Variants in SRGAP1 observed in about 807,000 individuals in gnomAD.
SRGAP1 encodes the protein SLIT-ROBO Rho GTPase activating protein 1, also known as SLIT-ROBO Rho GTPase-activating protein 1.
SRGAP1 carries 43 observed loss-of-function variants against 121.9 expected under a neutral mutation model. The ratio of observed to expected loss-of-function variants is 0.35; its 90% CI spans 0.28 to 0.46. SRGAP1 has a LOEUF of 0.46. Among genes scored for constraint, SRGAP1 ranks in the 20% least tolerant of loss-of-function variants. SRGAP1 has a pLI of 1.00. For missense variants in SRGAP1, 1,102 were observed against 1,350.9 expected (o/e 0.82, Z 2.89); for synonymous variants, 447 against 485.4 (o/e 0.92, Z 1.04).
At chr12:63,937,921 G>A (rs1039551433) in intron 1 of SRGAP1, among the ~76,000 whole-genome samples, 9 of 152,352 alleles carry the variant, frequency 5.9e-5, no homozygotes, top group Middle Eastern at 3.4e-3. Flanking sequence ...GAAGCGCCCC[G>A]TGGCACGGTT....
intron 1 of SRGAP1, among the ~76,000 whole-genome samples, chr12:63,970,039 C>G (rs757336513): frequency 6.6e-5 from 10 of 152,168 alleles, no homozygotes; most frequent in Admixed American, 1.3e-4. Flanking sequence ...TCCCTTTATC[C>G]TTTTCCTGTT....
intron 1 of SRGAP1, among the ~76,000 whole-genome samples, chr12:63,845,104 G>A (rs1452758990): frequency 6.6e-6 from 1 of 152,112 alleles, no homozygotes; most frequent in African/African-American, 2.4e-5. Context: ...GACTTCCCCC[G>A]CCAGCTGCCA....
At position 63,850,046 on chromosome 12, in the gene SRGAP1, C is replaced by G. The variant is rs147883313; in HGVS notation, c.67+5163C>G. ...ACCAAGTTGTTTTTTTCACCAGGAC[C>G]ATTTTAAGAGACCACAATACCCAGG... On this transcript the variant is annotated intron_variant, in intron 1 of 21. Transcript: ENST00000355086. Among the ~76,000 whole-genome samples the G allele has an allele frequency of 8.5e-3, 1,299 of 152,186 alleles. 7 individuals carry two copies. Among genetic ancestry groups the G allele is most frequent in the Non-Finnish European group, 0.014 (973 of 68,002 alleles).
rs10570691 is a variant in SRGAP1, at chr12:63,919,499, C to CATATATAT, written c.68-64432_68-64425dup. Among the ~76,000 whole-genome samples the CATATATAT allele has an allele frequency of 7.9e-3, 1,056 of 133,946 alleles. 32 individuals carry two copies. The highest frequency in any genetic ancestry group is 0.03 in the African/African-American group (987 of 32,382). The allele number at this position is 133,946 out of a possible 152,430, so 87.9% of individuals were successfully genotyped here. A position where few individuals can be genotyped will look rare whatever the true frequency, so the allele number is the denominator to read the frequency against. ...TTTTAATTGTTTTAACTTAACATTA[C>CATATATAT]ATATATATATATATATATATATACA... is the stretch of plus-strand genomic sequence containing the variant. On this transcript the variant is annotated intron_variant, in intron 1 of 21. Transcript: ENST00000355086.
At chr12:64,101,806 G>T (rs1180112060) in intron 15 of SRGAP1, among the ~76,000 whole-genome samples, 12 of 152,130 alleles carry the variant, frequency 7.9e-5, no homozygotes, top group African/African-American at 2.9e-4. Flanking sequence ...CTGCCTTAAG[G>T]CTGTGAGCCC....
chr12:64,013,487 T>TTA (rs2034310756), intron 3 of SRGAP1, among the ~76,000 whole-genome samples: 1 of 152,156 alleles, frequency 6.6e-6, no homozygotes, highest in South Asian at 2.1e-4. Context: ...TCTACGTTAT[T>TTA]TACCTATGGA....
At chr12:64,064,377 C>T (rs918667825) in intron 7 of SRGAP1, among the ~76,000 whole-genome samples, 1 of 152,230 alleles carries the variant, frequency 6.6e-6, no homozygotes, top group East Asian at 1.9e-4. Flanking sequence ...TTGAACTTAT[C>T]CATAATTGAG....
intron 8 of SRGAP1, among the ~76,000 whole-genome samples, chr12:64,068,763 A>C (rs2035587370): frequency 6.6e-6 from 1 of 151,938 alleles, no homozygotes; most frequent in South Asian, 2.1e-4. Flanking sequence ...TAATCCCAGC[A>C]CTTTGGGAGG....
chr12:63,943,560 C>T (rs1285663600), intron 1 of SRGAP1, among the ~76,000 whole-genome samples: 3 of 152,136 alleles, frequency 2.0e-5, no homozygotes, highest in Non-Finnish European at 2.9e-5. Context: ...GAAATTTGAA[C>T]CCAAGTAAGG....
In SRGAP1 at chr12:64,147,628, C is replaced by T. The variant is rs1435230904; in HGVS notation, c.*4956C>T. The T allele has an allele frequency of 2.5e-6, 1 of 398,694 alleles. No individual in the cohort carries two copies. The highest frequency in any genetic ancestry group is 2.1e-5 in the African/African-American group (1 of 48,742). 24.7% of individuals were successfully genotyped at this position (398,694 alleles called of 1,614,324 possible). ...CGCCCGTGCTCTGTACTGCCTCTCACCATTTCATTCCCTCCTCTCTGAGGT... is the reference window on the plus strand; with the variant it reads ...CGCCCGTGCTCTGTACTGCCTCTCATCATTTCATTCCCTCCTCTCTGAGGT... On this transcript the variant is annotated 3_prime_UTR_variant, in exon 22 of 22. Transcript: ENST00000355086.
At chr12:63,855,473 G>GTTT (rs781701925) in intron 1 of SRGAP1, among the ~76,000 whole-genome samples, 3,224 of 52,994 alleles carry the variant, frequency 0.061, 490 homozygotes, top group Non-Finnish European at 0.075. Flanking sequence ...GAAAAATGGT[G>GTTT]TTTTTTTTTT....
At chr12:63,954,378 C>T (rs1301301485) in intron 1 of SRGAP1, among the ~76,000 whole-genome samples, 1 of 152,082 alleles carries the variant, frequency 6.6e-6, no homozygotes, top group Non-Finnish European at 1.5e-5. Context: ...CCCCATCTTT[C>T]TCATTAAAAA....
intron 4 of SRGAP1, among the ~76,000 whole-genome samples, chr12:64,024,099 A>G (rs2034604627): frequency 1.3e-5 from 2 of 152,192 alleles, no homozygotes; most frequent in Admixed American, 1.3e-4. Flanking sequence ...GGGTTACAGA[A>G]TGGGCAAACC....
chr12:64,138,641 A>G (rs1019567275), intron 21 of SRGAP1, among the ~76,000 whole-genome samples: 1 of 151,414 alleles, frequency 6.6e-6, no homozygotes, highest in Non-Finnish European at 1.5e-5. Context: ...TGATTGATAT[A>G]TCTATTTTGA....
chr12:63,922,819 G>A (rs1436230945), intron 1 of SRGAP1, among the ~76,000 whole-genome samples: 1 of 152,184 alleles, frequency 6.6e-6, no homozygotes, highest in African/African-American at 2.4e-5. Flanking sequence ...ACAGAGTCTG[G>A]TGCAGAAGGA....
chr12:63,956,924 A>G (rs542241365), intron 1 of SRGAP1, among the ~76,000 whole-genome samples: 1 of 151,978 alleles, frequency 6.6e-6, no homozygotes, highest in South Asian at 2.1e-4. Flanking sequence ...GCAACCACTA[A>G]TCTACTTTTT....
At chr12:63,940,926 C>T (rs1040217735) in intron 1 of SRGAP1, among the ~76,000 whole-genome samples, 3 of 152,166 alleles carry the variant, frequency 2.0e-5, no homozygotes, top group Non-Finnish European at 2.9e-5. Context: ...CACAGTTGTA[C>T]ATTACCTTCC....
At chr12:63,960,674 G>A (rs1037026430) in intron 1 of SRGAP1, among the ~76,000 whole-genome samples, 1 of 152,158 alleles carries the variant, frequency 6.6e-6, no homozygotes, top group Non-Finnish European at 1.5e-5. Flanking sequence ...GTTATTAGGT[G>A]AAGAATCTTG....
At chr12:63,968,513 A>C (rs1361334318) in intron 1 of SRGAP1, among the ~76,000 whole-genome samples, 1 of 152,078 alleles carries the variant, frequency 6.6e-6, no homozygotes, top group African/African-American at 2.4e-5. Flanking sequence ...GTCTCTTGTT[A>C]CTTTACACCC....
Sources: gnomAD v4.1 joint callset for allele counts (sites outside exome capture counted in the v4.1 genomes callset) on GRCh38, gnomAD v4.1.1 for gene constraint, MANE v1.5 for transcripts, NCBI Gene and HGNC (gene_info 2026-07-23, HGNC 2026-07-21) for gene names.